CTPS1: variants seen among roughly 807,000 people sequenced by gnomAD.
The protein encoded by CTPS1 is CTP synthetase 1.
CTPS1 carries 25 observed loss-of-function variants against 80.5 expected under a neutral mutation model. The ratio of observed to expected loss-of-function variants is 0.31; its 90% CI spans 0.23 to 0.43. CTPS1 has a LOEUF of 0.43. Among genes scored for constraint, CTPS1 ranks in the 20% least tolerant of loss-of-function variants. The pLI is 1.00. For synonymous variants in CTPS1, 267 were observed against 252.5 expected (o/e 1.06, Z -0.54); for missense variants, 442 against 725.7 (o/e 0.61, Z 4.49).
chr1:41,002,996 G>A, intron 11 of CTPS1, 118 bp from the exon 12 acceptor site: 2 of 932,526 alleles, frequency 2.1e-6, no homozygotes, highest in South Asian at 1.4e-5. Flanking sequence ...AGGAAGTTAT[G>A]AGTTTGCAAT....
chr1:40,993,680 G>T (rs1177421527), intron 7 of CTPS1, among the ~76,000 whole-genome samples: 1 of 151,576 alleles, frequency 6.6e-6, no homozygotes, highest in African/African-American at 2.4e-5. Flanking sequence ...TTACTGAGTT[G>T]ACTTGATATA....
intron 4 of CTPS1, 70 bp downstream of exon 4, chr1:40,987,542 A>C: frequency 8.7e-7 from 1 of 1,152,724 alleles, no homozygotes; most frequent in Non-Finnish European, 1.3e-6. Flanking sequence ...AACTGATAAG[A>C]CAGTTCCCAG....
At chr1:41,009,621 A>G (rs1384357171) in intron 17 of CTPS1, 32 bp downstream of exon 17, 1 of 1,612,490 alleles carries the variant, frequency 6.2e-7, no homozygotes. Flanking sequence ...GTAATCCATT[A>G]GTCTTCTCTA....
chr1:40,991,389 G>T (rs967659461), intron 6 of CTPS1, 141 bp downstream of exon 6: 9 of 659,612 alleles, frequency 1.4e-5, no homozygotes, highest in Non-Finnish European at 2.3e-5. Flanking sequence ...TCTTTGAACC[G>T]GGCTGTAGTT....
chr1:41,006,302 G>A (rs1227357602), intron 13 of CTPS1, among the ~76,000 whole-genome samples: 1 of 152,098 alleles, frequency 6.6e-6, no homozygotes, highest in Non-Finnish European at 1.5e-5. Context: ...ACCACAGAAA[G>A]TTTTTAAGAC....
intron 17 of CTPS1, 31 bp downstream of exon 17, chr1:41,009,620 T>A (rs766285889): frequency 1.2e-6 from 2 of 1,612,646 alleles, no homozygotes; most frequent in Non-Finnish European, 1.7e-6. Context: ...AGTAATCCAT[T>A]AGTCTTCTCT....
rs141191889 is a variant in CTPS1 at position 41,007,761 on chromosome 1, T to C, written c.1393+216T>C. On this transcript the variant is annotated intron_variant, in intron 14 of 18. Coordinates refer to ENST00000650070, the MANE Select transcript of CTPS1 (RefSeq NM_001905.4). The surrounding 1 kb of genome is among the most constrained non-coding windows in gnomAD (Gnocchi z 4.4). ...CTTAGAAAGGACACTGGCAGTGCAG[T>C]CAGACTCCTAGGCATGGGCGCCTCA... is the stretch of plus-strand genomic sequence containing the variant. Among the ~76,000 whole-genome samples the C allele has an allele frequency of 1.3e-5, 2 of 152,346 alleles. No individual in the cohort carries two copies. The highest frequency in any genetic ancestry group is 4.8e-5 in the African/African-American group (2 of 41,572).
intron 1 of CTPS1, chr1:40,980,052 C>T (rs973402384): frequency 6.6e-6 from 1 of 151,126 alleles, no homozygotes; most frequent in African/African-American, 2.4e-5. Context: ...GCGCGGGCCT[C>T]GTGGCCGGGC....
intron 7 of CTPS1, among the ~76,000 whole-genome samples, chr1:40,994,047 G>A (rs183806738): frequency 7.5e-4 from 114 of 152,038 alleles, no homozygotes; most frequent in African/African-American, 2.7e-3. Flanking sequence ...CCAAAGTGCT[G>A]GGATTACAGG....
In CTPS1 at chr1:40,984,853, G is replaced by A. The variant is rs1449689893; in HGVS notation, c.199G>A (p.Val67Ile). 6.3e-7 allele frequency: 1 copy of A among 1,588,942 alleles called. No homozygotes were observed. Among genetic ancestry groups the A allele is most frequent in the Non-Finnish European group, 8.6e-7 (1 of 1,163,740 alleles). ...EVFVLDDGGE[V>I]DLDLGNYERF... ...TTTTGTGCTGGATGATGGTGGGGAA[G>A]TAGACCTTGACCTGGGTAACTATGA... is the stretch of plus-strand genomic sequence containing the variant. The change falls in exon 3 of 19, where the codon GTA becomes ATA. Residue 67 changes from valine (V) to isoleucine (I), a missense_variant. Transcript: ENST00000650070.
In CTPS1 at chr1:41,010,269, A is replaced by T. The variant is rs759283541; in HGVS notation, c.*9+15A>T. 1 of 1,568,924 alleles carries T rather than the reference A, an allele frequency of 6.4e-7. No homozygotes were observed. Among genetic ancestry groups the T allele is most frequent in the Admixed American group, 1.7e-5 (1 of 58,608 alleles). On this transcript the variant is annotated intron_variant, in intron 18 of 18. Transcript: ENST00000650070. ...GATCTTGTAGCGTAAGTGGTACTTT[A>T]AAGTTTTAGTTTTTAAAAACATGGT...
chr1:41,002,113 A>G, intron 10 of CTPS1, 47 bp from the exon 11 acceptor site: 1 of 1,555,716 alleles, frequency 6.4e-7, no homozygotes. Context: ...TGCAAGTTGG[A>G]CTGGTAGAAA....
At chr1:41,000,100 G>T (rs1642865520) in intron 9 of CTPS1, among the ~76,000 whole-genome samples, 1 of 152,178 alleles carries the variant, frequency 6.6e-6, no homozygotes, top group Non-Finnish European at 1.5e-5. Context: ...ATACTATTTG[G>T]CTCCATTTAT....
chr1:40,991,126 G>A (rs1034819319), intron 5 of CTPS1, 39 bp from the exon 6 acceptor site: 3 of 1,451,168 alleles, frequency 2.1e-6, no homozygotes, highest in Admixed American at 4.3e-5. Flanking sequence ...CCTTATCAGA[G>A]GGAAACTAAC....
At position 41,006,071 on chromosome 1, in the gene CTPS1, G is replaced by C; in HGVS notation, c.1273G>C (p.Asp425His). 1.9e-6 allele frequency: 3 copies of C among 1,613,784 alleles called. No homozygotes were observed. The highest frequency in any genetic ancestry group is 2.5e-6 in the Non-Finnish European group (3 of 1,179,686). The change falls in exon 13 of 19, where the codon GAC becomes CAC. Residue 425 changes from aspartate (D) to histidine (H), a missense_variant. Around this residue, in one of 4 missense-constraint regions of CTPS1, gnomAD observed 321 missense variants for 467.2 expected, o/e 0.69. Coordinates refer to ENST00000650070, the MANE Select transcript of CTPS1 (RefSeq NM_001905.4). ...TTCAGATGCCAATTCTACAGAGTTT[G>C]ACCCTACGACCAGTCATCCCGTGGT... The part of the protein sequence containing the change: ...GWQDANSTEF[D>H]PTTSHPVVVD...
chr1:41,002,929 C>G (rs897772448), intron 11 of CTPS1, among the ~76,000 whole-genome samples, 185 bp from the exon 12 acceptor site: 1 of 152,152 alleles, frequency 6.6e-6, no homozygotes, highest in Non-Finnish European at 1.5e-5. Flanking sequence ...ACTTTACATG[C>G]AGTTTTTGAA....
chr1:40,991,993 T>C, intron 7 of CTPS1, 148 bp downstream of exon 7: 1 of 645,724 alleles, frequency 1.5e-6, no homozygotes, highest in Non-Finnish European at 2.8e-6. Context: ...ATTCCCTGCC[T>C]CTCCTGGTTC....
chr1:41,003,751 A>G (rs966660576), intron 12 of CTPS1, among the ~76,000 whole-genome samples: 28 of 152,336 alleles, frequency 1.8e-4, no homozygotes, highest in African/African-American at 4.6e-4. Flanking sequence ...GTGTATTACT[A>G]TGTGACAGAC....
chr1:41,011,435 GAA>G (rs1369953917), intron 18 of CTPS1, among the ~76,000 whole-genome samples: 1 of 152,192 alleles, frequency 6.6e-6, no homozygotes, highest in Non-Finnish European at 1.5e-5. Flanking sequence ...TGTGGAGAAA[GAA>G]TGCTTGCATT....
Sources: allele counts gnomAD v4.1 joint callset (sites outside exome capture counted in the v4.1 genomes callset), GRCh38; gene constraint gnomAD v4.1.1; regional missense constraint gnomAD v4.1.1; non-coding constraint Gnocchi (gnomAD v3.1); transcripts MANE v1.5; gene names NCBI Gene and HGNC (gene_info 2026-07-23, HGNC 2026-07-21).